RBSN: variants seen among roughly 807,000 people sequenced by gnomAD.
RBSN encodes the protein rabenosyn-5.
RBSN carries 34 observed loss-of-function variants against 60.5 expected under a neutral mutation model. That is an observed-to-expected ratio of 0.56 (90% confidence interval 0.43 to 0.75). The LOEUF is 0.75. RBSN is among the 30% of genes least tolerant of loss of function. The probability of loss-of-function intolerance (pLI) is 0.00; values close to 1 mark genes in which losing one functional copy is unlikely to be tolerated. For missense variants in RBSN, 845 were observed against 986.8 expected (o/e 0.86, Z 1.92); for synonymous variants, 322 against 366.9 (o/e 0.88, Z 1.40).
Position 15,096,060 on chromosome 3 carries a change from T to C in RBSN, c.61A>G (p.Lys21Glu). The C allele has an allele frequency of 2.5e-6, 4 of 1,613,618 alleles. No individual in the cohort carries two copies. The highest frequency in any genetic ancestry group is 3.4e-6 in the Non-Finnish European group (4 of 1,179,706). The change falls in exon 4 of 14, where the codon AAG (lysine) becomes GAG (glutamate). Residue 21 changes from lysine to glutamate, a missense_variant. By Grantham distance (56) the Lys-to-Glu change is moderately conservative. Coordinates refer to ENST00000253699, the MANE Select transcript of RBSN (RefSeq NM_022340.4). ...REGFLCPLCL[K>E]DLQSFYQLHS... Reference sequence around the variant, plus strand: ...AGCTGATAGAAAGACTGCAGATCCTTCAGGCACAGAGGGCAGAGGAAGCCC... The same window carrying C: ...AGCTGATAGAAAGACTGCAGATCCTCCAGGCACAGAGGGCAGAGGAAGCCC...
In RBSN at chr3:15,095,220, C is replaced by T. The variant is rs563930129; in HGVS notation, c.148+753G>A. ...TAATTTTTTTTGTGAGACGGGGTTTCGCCATGTTGCCCAGGCTGGTCTTGA... is the reference window on the plus strand; with the variant it reads ...TAATTTTTTTTGTGAGACGGGGTTTTGCCATGTTGCCCAGGCTGGTCTTGA... On this transcript the variant is annotated intron_variant, in intron 4 of 13. Coordinates refer to ENST00000253699, the MANE Select transcript of RBSN (RefSeq NM_022340.4). Among the ~76,000 whole-genome samples, 10 of 151,410 alleles carry T rather than the reference C, an allele frequency of 6.6e-5. No individual in the cohort carries two copies. The East Asian group carries it at 7.8e-4, about 12-fold the overall frequency.
At chr3:15,085,149 A>G (rs1218996250) in intron 6 of RBSN, 104 bp from the exon 7 acceptor site, 1 of 1,334,768 alleles carries the variant, frequency 7.5e-7, no homozygotes, top group African/African-American at 1.5e-5. Flanking sequence ...TGCATTCCTC[A>G]AGTCTCATCT....
At chr3:15,086,177 G>A in intron 5 of RBSN, 1 of 493,556 alleles carries the variant, frequency 2.0e-6, no homozygotes, top group South Asian at 2.8e-5. Context: ...GCGGGAAGAT[G>A]GCTTGAGCTC....
intron 8 of RBSN, among the ~76,000 whole-genome samples, chr3:15,083,402 A>G (rs1193673379): frequency 6.6e-6 from 1 of 152,174 alleles, no homozygotes; most frequent in Non-Finnish European, 1.5e-5. Flanking sequence ...AGAACTCTCT[A>G]GTGTTGCAAA....
At chr3:15,093,355 T>C (rs1478757605) in intron 4 of RBSN, among the ~76,000 whole-genome samples, 2 of 152,180 alleles carry the variant, frequency 1.3e-5, no homozygotes, top group Non-Finnish European at 2.9e-5. Context: ...TTAATAGTAC[T>C]AGAGGTAGAG....
chr3:15,077,624 T>G lies in RBSN; in HGVS notation c.998+451A>C, dbSNP rs1031852407. On this transcript the variant is annotated intron_variant, in intron 11 of 13. Transcript: ENST00000253699. The surrounding 1 kb of genome is among the most constrained non-coding windows in gnomAD (Gnocchi z 4.4). Reference sequence around the variant, plus strand: ...TTCTCCCTCTGAGTCACTGGCTAATTTAACCCCAATGGCCAGTCCACAGTT... The same window carrying G: ...TTCTCCCTCTGAGTCACTGGCTAATGTAACCCCAATGGCCAGTCCACAGTT... Among the ~76,000 whole-genome samples the G allele has an allele frequency of 6.6e-6, 1 of 152,176 alleles. No homozygotes were observed. The highest frequency in any genetic ancestry group is 2.4e-5 in the African/African-American group (1 of 41,450).
rs776946775 is a variant in RBSN, at chr3:15,075,663, C to T, written c.1149G>A (p.Glu383=). Residue 383 remains glutamate (E), a synonymous_variant, in exon 13 of 14, where the codon GAG becomes GAA. Coordinates refer to ENST00000253699, the MANE Select transcript of RBSN (RefSeq NM_022340.4). ...CCTCCTTCCTTTTCTTTTTCAGTTC[C>T]TCAAACTGTTCTTTGGTTGGCAGTG... ...LMSLPTKEQF[E]ELKKKRKEEM... is the part of the protein sequence containing the mutation. The T allele has an allele frequency of 1.9e-6, 3 of 1,614,180 alleles. No homozygotes were observed. The highest frequency in any genetic ancestry group is 2.5e-6 in the Non-Finnish European group (3 of 1,180,034).
chr3:15,081,134 GT>G lies in RBSN; in HGVS notation c.841-333del, dbSNP rs201668193. 738 of 206,400 alleles carry G rather than the reference GT, an allele frequency of 3.6e-3. 6 individuals carry two copies. Among genetic ancestry groups the G allele is most frequent in the African/African-American group, 0.016 (697 of 43,196 alleles). The allele number at this position is 206,400 out of a possible 1,614,324, so 12.8% of individuals were successfully genotyped here. A position where few individuals can be genotyped will look rare whatever the true frequency, so the allele number is the denominator to read the frequency against. On this transcript the variant is annotated intron_variant, in intron 9 of 13. Coordinates refer to ENST00000253699, the MANE Select transcript of RBSN (RefSeq NM_022340.4). Reference sequence around the variant, plus strand: ...GCTCAAGCGATTCTCATGCCTCGGCGTCCTGAGTAGCTGGAATTACAGGCAC... The same window carrying G: ...GCTCAAGCGATTCTCATGCCTCGGCGCCTGAGTAGCTGGAATTACAGGCAC...
Position 15,082,671 on chromosome 3 carries a change from C to T in RBSN, c.599-63G>A. On this transcript the variant is annotated intron_variant, in intron 8 of 13. Coordinates refer to ENST00000253699, the MANE Select transcript of RBSN (RefSeq NM_022340.4). The surrounding 1 kb of genome is among the most constrained non-coding windows in gnomAD (Gnocchi z 4.2). ...CAGCATCCAATTACCATACCCACGA[C>T]CTCAAGGTGTCAGTCCACAGGTGTT... 1.3e-6 allele frequency: 2 copies of T among 1,574,532 alleles called. No individual in the cohort carries two copies. The highest frequency in any genetic ancestry group is 1.3e-5 in the African/African-American group (1 of 74,336).
intron 5 of RBSN, among the ~76,000 whole-genome samples, chr3:15,087,793 G>GT (rs138763114): frequency 0.053 from 8,036 of 152,060 alleles, 252 homozygotes; most frequent in East Asian, 0.13. Context: ...GCTAATTTTT[G>GT]TATTTTTAGT....
intron 10 of RBSN, among the ~76,000 whole-genome samples, chr3:15,079,673 C>T (rs2043152417): frequency 6.6e-6 from 1 of 152,044 alleles, no homozygotes; most frequent in Non-Finnish European, 1.5e-5. Context: ...TGAAAGAAGC[C>T]AGACAAGAGA....
intron 12 of RBSN, among the ~76,000 whole-genome samples, chr3:15,076,138 G>A (rs769559529): frequency 6.6e-6 from 1 of 151,952 alleles, no homozygotes; most frequent in Non-Finnish European, 1.5e-5. Context: ...GAACAGGAAC[G>A]TTGGTCTTTT....
In RBSN at chr3:15,074,055, G is replaced by A. The variant is rs61739717; in HGVS notation, c.2082C>T (p.Asp694=). 3,189 of 1,614,030 alleles carry A rather than the reference G, an allele frequency of 2.0e-3. 50 individuals carry two copies. In the African/African-American group the frequency reaches 0.035, roughly 18 times the overall value. ...SPAPNPFSEE[D]EHPQQRLSSP... ...TTGAGAGCCTCTGCTGGGGATGTTCGTCTTCCTCACTGAAGGGGTTAGGAG... is the reference window on the plus strand; with the variant it reads ...TTGAGAGCCTCTGCTGGGGATGTTCATCTTCCTCACTGAAGGGGTTAGGAG... The change falls in exon 14 of 14, where the codon GAC becomes GAT. Residue 694 remains aspartate, a synonymous_variant. Coordinates refer to ENST00000253699, the MANE Select transcript of RBSN (RefSeq NM_022340.4). The surrounding 1 kb of genome is among the most constrained non-coding windows in gnomAD (Gnocchi z 6.4).
intron 12 of RBSN, 148 bp from the exon 13 acceptor site, chr3:15,075,858 T>C (rs376407675): frequency 4.6e-6 from 3 of 651,386 alleles, no homozygotes; most frequent in Non-Finnish European, 5.4e-6. Flanking sequence ...AGAGAACTCA[T>C]ATTGGGTGAG....
intron 10 of RBSN, among the ~76,000 whole-genome samples, chr3:15,078,824 A>ATG (rs3042372): frequency 6.0e-5 from 6 of 100,424 alleles, no homozygotes; most frequent in African/African-American, 2.1e-4. Context: ...ATATATATAT[A>ATG]CATGGTTTTG....
chr3:15,098,478 A>AAAAAC (rs2043731823), intron 1 of RBSN, among the ~76,000 whole-genome samples: 2 of 21,692 alleles, frequency 9.2e-5, no homozygotes, highest in Non-Finnish European at 3.6e-4. Context: ...AATAAAAAAA[A>AAAAAC]TAAATATAGC....
chr3:15,091,653 CA>C (rs931510656), intron 4 of RBSN, among the ~76,000 whole-genome samples: 42 of 152,342 alleles, frequency 2.8e-4, no homozygotes, highest in African/African-American at 8.9e-4. Flanking sequence ...GCCCTACTTA[CA>C]AATGAGGAAA....
chr3:15,094,074 C>G (rs2043586493), intron 4 of RBSN, among the ~76,000 whole-genome samples: 1 of 152,086 alleles, frequency 6.6e-6, no homozygotes, highest in South Asian at 2.1e-4. Context: ...TAAATAGATT[C>G]CCATATCTGT....
chr3:15,078,202 G>A (rs769195618), intron 10 of RBSN, 41 bp from the exon 11 acceptor site: 19 of 1,568,200 alleles, frequency 1.2e-5, no homozygotes, highest in East Asian at 2.2e-5. Context: ...GTTTCATGGT[G>A]CAGATTGGAC....
Sources: allele counts gnomAD v4.1 joint callset (sites outside exome capture counted in the v4.1 genomes callset), GRCh38; gene constraint gnomAD v4.1.1; non-coding constraint Gnocchi (gnomAD v3.1); transcripts MANE v1.5; gene names NCBI Gene and HGNC (gene_info 2026-07-23, HGNC 2026-07-21).